Variants in UBE2F observed in about 807,000 individuals in gnomAD.
The protein encoded by UBE2F is NEDD8-conjugating enzyme UBE2F.
UBE2F carries 5 observed loss-of-function variants against 29.6 expected under a neutral mutation model. The observed-to-expected ratio is 0.17, with a 90% CI of 0.09 to 0.36. The LOEUF is 0.36. Among genes scored for constraint, UBE2F ranks in the 10% least tolerant of loss-of-function variants. UBE2F has a pLI of 1.00. For synonymous variants in UBE2F, 66 were observed against 81.8 expected, an observed-to-expected ratio of 0.81 and a Z score of 1.04; for missense variants, 141 against 228.5, an observed-to-expected ratio of 0.62 and a Z score of 2.47.
chr2:238,006,637 C>T (rs1240407354), intron 4 of UBE2F, among the ~76,000 whole-genome samples: 1 of 152,168 alleles, frequency 6.6e-6, no homozygotes, highest in African/African-American at 2.4e-5. Context: ...TTTATCTCTC[C>T]CTTTCAGTCT....
chr2:238,000,507 T>C (rs1380514905), intron 4 of UBE2F, among the ~76,000 whole-genome samples: 2 of 152,260 alleles, frequency 1.3e-5, no homozygotes, highest in African/African-American at 2.4e-5. Flanking sequence ...GTATTTTGTA[T>C]TGTTGAATTG....
intron 2 of UBE2F, 135 bp downstream of exon 2, chr2:237,973,360 A>G: frequency 9.7e-7 from 1 of 1,034,394 alleles, no homozygotes; most frequent in Non-Finnish European, 1.4e-6. Context: ...ATAATTGCTT[A>G]TCTCTTATAG....
intron 2 of UBE2F, among the ~76,000 whole-genome samples, chr2:237,978,912 G>A (rs1399128860): frequency 6.6e-6 from 1 of 152,120 alleles, no homozygotes; most frequent in Admixed American, 6.5e-5. Context: ...ACCCCTCAGG[G>A]CAGAATTAAT....
chr2:238,036,577 T>C (rs1322729182), intron 9 of UBE2F, among the ~76,000 whole-genome samples: 1 of 152,186 alleles, frequency 6.6e-6, no homozygotes. Context: ...TGATTACACC[T>C]GTAATCCCAG....
At position 237,967,910 on chromosome 2, in the gene UBE2F, A is replaced by G. The variant is rs1358566777; in HGVS notation, c.-17+778A>G. The stretch of plus-strand genomic sequence containing the variant: ...TCACAGGAGAGAATTGGGTCCCCCC[A>G]CTCTGCATTCCCGACCGCCTGGAAG... On this transcript the variant is annotated intron_variant, in intron 1 of 9. Transcript: ENST00000272930. This position sits in a 1 kb window ranked among gnomAD's most constrained non-coding sequence, Gnocchi z 6.3. 6.6e-6 allele frequency among the ~76,000 whole-genome samples: 1 copy of G among 151,708 alleles called. No homozygotes were observed. Among genetic ancestry groups the G allele is most frequent in the African/African-American group, 2.4e-5 (1 of 41,224 alleles).
chr2:238,003,619 A>G (rs2063842398), intron 4 of UBE2F: 1 of 201,938 alleles, frequency 5.0e-6, no homozygotes, highest in Non-Finnish European at 1.1e-5. Context: ...TATAGTGCGT[A>G]TAAAATCTCC....
chr2:238,025,027 G>T (rs567989773), intron 5 of UBE2F, among the ~76,000 whole-genome samples: 2 of 152,188 alleles, frequency 1.3e-5, no homozygotes, highest in African/African-American at 2.4e-5. Flanking sequence ...AACCCAGGGG[G>T]TGTGGGAGGT....
At chr2:238,010,806 C>A (rs903998437) in intron 4 of UBE2F, among the ~76,000 whole-genome samples, 4 of 152,180 alleles carry the variant, frequency 2.6e-5, no homozygotes, top group African/African-American at 9.7e-5. Context: ...CCACTCAACA[C>A]CTCCACTGGG....
intron 5 of UBE2F, among the ~76,000 whole-genome samples, chr2:238,023,100 A>G (rs1340128628): frequency 6.6e-6 from 1 of 152,054 alleles, no homozygotes; most frequent in Admixed American, 6.5e-5. Context: ...CCTGCTTGGG[A>G]GGGAGAGTGA....
chr2:238,010,154 A>G (rs1310777609), intron 4 of UBE2F, among the ~76,000 whole-genome samples: 3 of 151,312 alleles, frequency 2.0e-5, no homozygotes, highest in South Asian at 4.1e-4. Context: ...ATACAGGTAG[A>G]TAGATAGATT....
chr2:238,022,437 T>A (rs933036478), intron 5 of UBE2F, among the ~76,000 whole-genome samples: 1 of 152,240 alleles, frequency 6.6e-6, no homozygotes, highest in Non-Finnish European at 1.5e-5. Flanking sequence ...TATGTGAAAC[T>A]TTTTTCTTCA....
chr2:237,981,674 T>A (rs7572717), intron 2 of UBE2F, among the ~76,000 whole-genome samples: 117,871 of 140,622 alleles, frequency 0.84, 49,451 homozygotes, highest in East Asian at 0.97. Flanking sequence ...TCATCTAGGC[T>A]GGAGTGCAGT....
In UBE2F at chr2:238,041,709, C is replaced by T. The variant is rs535141916; in HGVS notation, c.*371C>T. The T allele has an allele frequency of 5.9e-4, 117 of 199,960 alleles. No homozygotes were observed. The highest frequency in any genetic ancestry group is 1.1e-3 in the Non-Finnish European group (106 of 97,688). The allele number at this position is 199,960 out of a possible 1,614,324, so 12.4% of individuals were successfully genotyped here. On this transcript the variant is annotated 3_prime_UTR_variant, in exon 10 of 10. Coordinates refer to ENST00000272930, the MANE Select transcript of UBE2F (RefSeq NM_080678.3). ...AAACAAAATTGGTTTTCTGCACAAG[C>T]GATGCTAATGATGTGTTCAGTGTAA...
At chr2:238,010,760 A>C (rs541368157) in intron 4 of UBE2F, among the ~76,000 whole-genome samples, 1 of 151,490 alleles carries the variant, frequency 6.6e-6, no homozygotes, top group Non-Finnish European at 1.5e-5. Flanking sequence ...TCTCTATCCA[A>C]CCTCTCCCAG....
At chr2:238,019,359 C>T (rs1177657647) in intron 5 of UBE2F, among the ~76,000 whole-genome samples, 1 of 152,022 alleles carries the variant, frequency 6.6e-6, no homozygotes, top group Admixed American at 6.6e-5. Context: ...CTCTCCTTTC[C>T]CCAGCGTTTC....
At chr2:238,031,216 G>C (rs967769120) in intron 7 of UBE2F, among the ~76,000 whole-genome samples, 1 of 152,212 alleles carries the variant, frequency 6.6e-6, no homozygotes, top group Non-Finnish European at 1.5e-5. Flanking sequence ...GAAATGTCCT[G>C]CCCTCTCAGA....
chr2:238,000,813 A>G (rs1428293826), intron 4 of UBE2F, among the ~76,000 whole-genome samples: 1 of 152,104 alleles, frequency 6.6e-6, no homozygotes, highest in African/African-American at 2.4e-5. Flanking sequence ...CTTACTGACA[A>G]CTGGTATTGT....
rs899039830 is a variant in UBE2F, at chr2:238,040,446, T to C, written c.508-842T>C. 6.6e-6 allele frequency among the ~76,000 whole-genome samples: 1 copy of C among 152,210 alleles called. No individual in the cohort carries two copies. Among genetic ancestry groups the C allele is most frequent in the Non-Finnish European group, 1.5e-5 (1 of 68,036 alleles). ...TGCCCACTAAGAACTATGGTAACTG[T>C]GCTGTGTTCCCTGGGCAGTGGGGGC... On this transcript the variant is annotated intron_variant, in intron 9 of 9. Coordinates refer to ENST00000272930, the MANE Select transcript of UBE2F (RefSeq NM_080678.3). The surrounding 1 kb of genome is among the most constrained non-coding windows in gnomAD (Gnocchi z 4.4).
At chr2:237,983,643 C>T (rs2106337199) in intron 2 of UBE2F, among the ~76,000 whole-genome samples, 1 of 152,250 alleles carries the variant, frequency 6.6e-6, no homozygotes, top group South Asian at 2.1e-4. Flanking sequence ...GCCTCCTTTC[C>T]CCACTTCACT....
Sources: gnomAD v4.1 joint callset for allele counts (sites outside exome capture counted in the v4.1 genomes callset) on GRCh38, gnomAD v4.1.1 for gene constraint, Gnocchi (gnomAD v3.1) non-coding constraint, MANE v1.5 for transcripts, NCBI Gene and HGNC (gene_info 2026-07-23, HGNC 2026-07-21) for gene names.